The following LPAR5 variants were observed in gnomAD, a reference collection of about 807,000 sequenced individuals.
LPAR5 encodes the protein G protein-coupled receptor 92.
For missense variants in LPAR5, 544 were observed against 521.8 expected (o/e 1.04, Z -0.41); for synonymous variants, 271 against 261.6 (o/e 1.04, Z -0.35).
At chr12:6,629,794 C>T (rs922527342) in intron 1 of LPAR5, among the ~76,000 whole-genome samples, 2 of 151,920 alleles carry the variant, frequency 1.3e-5, no homozygotes, top group Admixed American at 6.6e-5. Flanking sequence ...GAGGCTGAGG[C>T]GGGCGGATCA....
intron 1 of LPAR5, among the ~76,000 whole-genome samples, chr12:6,621,925 C>G (rs957020067): frequency 2.0e-5 from 3 of 151,574 alleles, no homozygotes; most frequent in Non-Finnish European, 4.4e-5. Flanking sequence ...GTCAGGAGTT[C>G]GAGACCAACC....
chr12:6,620,165 AAGAC>A lies in LPAR5; in HGVS notation c.1080_1083del (p.Ser361ProfsTer53). 6.2e-7 allele frequency: 1 copy of A among 1,613,440 alleles called. No individual in the cohort carries two copies. The highest frequency in any genetic ancestry group is 8.5e-7 in the Non-Finnish European group (1 of 1,179,520). ...GAATCCTGGGGACACTGTGTGAAGG[AAGAC>A]AGAGAGTGGGAGTCGGAGGGTCGGA... On this transcript the variant is annotated frameshift_variant, in exon 2 of 2. Transcript: ENST00000329858. LOFTEE classifies it high-confidence loss of function. This position sits in a 1 kb window ranked among gnomAD's most constrained non-coding sequence, Gnocchi z 6.8.
intron 1 of LPAR5, among the ~76,000 whole-genome samples, chr12:6,623,145 G>T (rs1948908524): frequency 6.6e-6 from 1 of 152,000 alleles, no homozygotes; most frequent in Non-Finnish European, 1.5e-5. Flanking sequence ...GGCTCACACA[G>T]GAGAATCACT....
intron 1 of LPAR5, among the ~76,000 whole-genome samples, chr12:6,630,790 C>T (rs1948976268): frequency 6.6e-6 from 1 of 152,118 alleles, no homozygotes; most frequent in Non-Finnish European, 1.5e-5. Context: ...GGTCAAAAAG[C>T]CGCCTCTTTC....
At chr12:6,627,373 C>A (rs946038343) in intron 1 of LPAR5, among the ~76,000 whole-genome samples, 1 of 152,128 alleles carries the variant, frequency 6.6e-6, no homozygotes, top group Non-Finnish European at 1.5e-5. Flanking sequence ...AGGCGTATCA[C>A]GAGGCCAGGA....
chr12:6,625,720 CAAAA>C (rs34076581), intron 1 of LPAR5, among the ~76,000 whole-genome samples: 20 of 138,592 alleles, frequency 1.4e-4, no homozygotes, highest in African/African-American at 5.7e-4. Flanking sequence ...GACTCCGTCT[CAAAA>C]AAAAAAAAAG....
intron 1 of LPAR5, among the ~76,000 whole-genome samples, chr12:6,630,424 C>CCAGCCCA (rs1161128547): frequency 4.2e-4 from 53 of 126,620 alleles, no homozygotes; most frequent in African/African-American, 1.5e-3. Flanking sequence ...ACCACTGCAC[C>CCAGCCCA]CAGCCCATCT....
intron 1 of LPAR5, among the ~76,000 whole-genome samples, chr12:6,633,950 CA>C (rs1338367995): frequency 6.6e-6 from 1 of 152,146 alleles, no homozygotes; most frequent in Non-Finnish European, 1.5e-5. Flanking sequence ...AACTTTAGCT[CA>C]CCCTAAAAGG....
intron 1 of LPAR5, among the ~76,000 whole-genome samples, chr12:6,632,029 C>T (rs992988053): frequency 2.0e-5 from 3 of 151,984 alleles, no homozygotes; most frequent in Admixed American, 6.6e-5. Context: ...TGGAGTGCAA[C>T]GGTGCAATCT....
chr12:6,626,168 G>T (rs1301309163), intron 1 of LPAR5, among the ~76,000 whole-genome samples: 1 of 152,164 alleles, frequency 6.6e-6, no homozygotes, highest in Non-Finnish European at 1.5e-5. Context: ...CTACCCGGGA[G>T]ACTGAGTCAG....
chr12:6,623,338 A>C (rs1948910230), intron 1 of LPAR5, among the ~76,000 whole-genome samples: 1 of 152,098 alleles, frequency 6.6e-6, no homozygotes, highest in Non-Finnish European at 1.5e-5. Context: ...GTTGAAGACC[A>C]ACCTGGCCAA....
Position 6,619,786 on chromosome 12 carries a change from T to A in LPAR5, c.*344A>T, listed in dbSNP as rs1288677754. 2 of 423,862 alleles carry A rather than the reference T, an allele frequency of 4.7e-6. No individual in the cohort carries two copies. The highest frequency in any genetic ancestry group is 9.0e-6 in the Non-Finnish European group (2 of 221,722). 26.3% of individuals were successfully genotyped at this position (423,862 alleles called of 1,614,324 possible). The stretch of plus-strand genomic sequence containing the variant: ...CCCCTGTGGCGGTTTAGATCCAGAA[T>A]GCCCATTTTCTGTTCCATCTAACCA... On this transcript the variant is annotated 3_prime_UTR_variant, in exon 2 of 2. Coordinates refer to ENST00000329858, the MANE Select transcript of LPAR5 (RefSeq NM_020400.6).
At chr12:6,625,886 T>C (rs1489009787) in intron 1 of LPAR5, among the ~76,000 whole-genome samples, 1 of 152,258 alleles carries the variant, frequency 6.6e-6, no homozygotes, top group East Asian at 1.9e-4. Flanking sequence ...ACTGCAGTCC[T>C]GAACTCCCAG....
At chr12:6,629,775 G>A (rs1230319849) in intron 1 of LPAR5, among the ~76,000 whole-genome samples, 2 of 152,012 alleles carry the variant, frequency 1.3e-5, no homozygotes, top group South Asian at 2.1e-4. Flanking sequence ...TGTAATCCCA[G>A]CACTTTGGGA....
chr12:6,633,474 G>T (rs1240801578), intron 1 of LPAR5, among the ~76,000 whole-genome samples: 1 of 151,750 alleles, frequency 6.6e-6, no homozygotes, highest in African/African-American at 2.4e-5. Flanking sequence ...GTACAGTGGT[G>T]CAATCTCAGC....
chr12:6,621,833 C>CA (rs1044560985), intron 1 of LPAR5, among the ~76,000 whole-genome samples: 12 of 152,004 alleles, frequency 7.9e-5, no homozygotes, highest in South Asian at 2.1e-4. Flanking sequence ...CCCATCTCTA[C>CA]AAAAAAATAC....
intron 1 of LPAR5, among the ~76,000 whole-genome samples, chr12:6,625,584 G>T (rs974613011): frequency 3.3e-5 from 5 of 151,322 alleles, no homozygotes; most frequent in Non-Finnish European, 5.9e-5. Flanking sequence ...TTAGCTGAGC[G>T]TGGTGGTGGG....
chr12:6,621,298 C>T lies in LPAR5; in HGVS notation c.-50G>A. ...AGGCTGGGGATGCCATGGAGCACACCAGAATCATGGCATGGCATTCACCTC... is the reference window on the plus strand; with the variant it reads ...AGGCTGGGGATGCCATGGAGCACACTAGAATCATGGCATGGCATTCACCTC... On this transcript the variant is annotated 5_prime_UTR_variant, in exon 2 of 2. Transcript: ENST00000329858. The T allele has an allele frequency of 6.9e-7, 1 of 1,442,332 alleles. No individual in the cohort carries two copies. The allele number at this position is 1,442,332 out of a possible 1,614,324, so 89.3% of individuals were successfully genotyped here.
intron 1 of LPAR5, among the ~76,000 whole-genome samples, chr12:6,627,345 A>G (rs1335206980): frequency 1.3e-5 from 2 of 152,134 alleles, no homozygotes; most frequent in Admixed American, 6.6e-5. Context: ...TAATCCCAGC[A>G]CTTTGGGAGG....
Sources: gnomAD v4.1 joint callset for allele counts (sites outside exome capture counted in the v4.1 genomes callset) on GRCh38, gnomAD v4.1.1 for gene constraint, Gnocchi (gnomAD v3.1) non-coding constraint, MANE v1.5 for transcripts, NCBI Gene and HGNC (gene_info 2026-07-23, HGNC 2026-07-21) for gene names.